FAM110A: variants seen among roughly 807,000 people sequenced by gnomAD.
FAM110A encodes protein FAM110A.
Under a neutral mutation model 4.0 loss-of-function variants are expected in FAM110A, and 1 was observed. The ratio of observed to expected loss-of-function variants is 0.25; its 90% CI spans 0.09 to 1.20. The LOEUF is 1.20. Ranked by LOEUF, FAM110A falls within the 50% of genes most tolerant of loss-of-function variation. FAM110A has a pLI of 0.50. For missense variants in FAM110A, 436 were observed against 429.2 expected (o/e 1.02, Z -0.14); for synonymous variants, 217 against 196.8 (o/e 1.10, Z -0.86).
chr20:839,473 G>T (rs546609567), intron 1 of FAM110A: 12 of 843,666 alleles, frequency 1.4e-5, no homozygotes, highest in Admixed American at 1.4e-4. Flanking sequence ...CCACGTCCAC[G>T]ACCACATCTG....
chr20:840,913 A>G lies in FAM110A; in HGVS notation c.-97-3795A>G, dbSNP rs929944564. 5.3e-5 allele frequency among the ~76,000 whole-genome samples: 8 copies of G among 152,210 alleles called. No individual in the cohort carries two copies. The highest frequency in any genetic ancestry group is 1.9e-4 in the African/African-American group (8 of 41,448). ...AGATTAAAATGGGTTACCCGATACC[A>G]AGAAAAACACTTTCCCGTGCCTGGC... On this transcript the variant is annotated intron_variant, in intron 1 of 1. Coordinates refer to ENST00000381941, the MANE Select transcript of FAM110A (RefSeq NM_001042353.3). The surrounding 1 kb of genome is among the most constrained non-coding windows in gnomAD (Gnocchi z 4.4).
At chr20:844,639 A>G in intron 1 of FAM110A, 69 bp from the exon 2 acceptor site, 2 of 1,153,130 alleles carry the variant, frequency 1.7e-6, no homozygotes, top group South Asian at 2.4e-5. Flanking sequence ...TTATCCTCTC[A>G]GCCGCGGCTG....
At position 844,688 on chromosome 20, in the gene FAM110A, T is replaced by TTC. The variant is rs1600016665; in HGVS notation, c.-97-13_-97-12dup. ...GAGCGCGCTCGGCTTTTTTTTTTTT[T>TTC]TCTCTCTCCTTCCCTGCAGCAGTGG... On this transcript the variant is annotated intron_variant, in intron 1 of 1. Coordinates refer to ENST00000381941, the MANE Select transcript of FAM110A (RefSeq NM_001042353.3). 2 of 1,291,816 alleles carry TTC rather than the reference T, an allele frequency of 1.5e-6. No individual in the cohort carries two copies. The highest frequency in any genetic ancestry group is 2.5e-5 in the South Asian group (1 of 40,496). The allele number at this position is 1,291,816 out of a possible 1,614,324, so 80.0% of individuals were successfully genotyped here.
At chr20:844,296 G>A (rs1255896505) in intron 1 of FAM110A, among the ~76,000 whole-genome samples, 3 of 152,234 alleles carry the variant, frequency 2.0e-5, no homozygotes, top group South Asian at 2.1e-4. Flanking sequence ...CAAGTTGTTT[G>A]CCTCTCTGGG....
intron 1 of FAM110A, among the ~76,000 whole-genome samples, chr20:838,324 T>A (rs533252605): frequency 2.6e-5 from 4 of 152,242 alleles, no homozygotes; most frequent in African/African-American, 9.6e-5. Context: ...CTTACTGATA[T>A]AAGAAAAAGC....
At chr20:839,983 C>T in intron 1 of FAM110A, 1 of 1,331,298 alleles carries the variant, frequency 7.5e-7, no homozygotes. Flanking sequence ...AGCATCTTGG[C>T]AGCTGTAGGG....
rs1451501500 is a variant in FAM110A at position 840,427 on chromosome 20, T to G, written c.-97-4281T>G. The stretch of plus-strand genomic sequence containing the variant: ...AAATGGCCTATCAAATGTTCCTACC[T>G]GCAGTGAGTTATAGGACTTGGGGTG... On this transcript the variant is annotated intron_variant, in intron 1 of 1. Coordinates refer to ENST00000381941, the MANE Select transcript of FAM110A (RefSeq NM_001042353.3). This position sits in a 1 kb window ranked among gnomAD's most constrained non-coding sequence, Gnocchi z 4.4. 6.6e-6 allele frequency among the ~76,000 whole-genome samples: 1 copy of G among 152,206 alleles called. No individual in the cohort carries two copies. The highest frequency in any genetic ancestry group is 1.5e-5 in the Non-Finnish European group (1 of 68,030).
chr20:836,209 T>G (rs1159364835), intron 1 of FAM110A: 1 of 134,174 alleles, frequency 7.5e-6, no homozygotes, highest in African/African-American at 2.9e-5. Context: ...AGGTGGAGTT[T>G]GAACCCAGAG....
rs916946134 is a variant in FAM110A, at chr20:844,773, G to A, written c.-32G>A. Reference sequence around the variant, plus strand: ...CTGGCTCCTCATCTCTCCGGTCTCCGCAGACTAAAGCCCTCGGGATATGCA... The same window carrying A: ...CTGGCTCCTCATCTCTCCGGTCTCCACAGACTAAAGCCCTCGGGATATGCA... On this transcript the variant is annotated 5_prime_UTR_variant, in exon 2 of 2. Transcript: ENST00000381941. The A allele has an allele frequency of 2.8e-6, 4 of 1,409,362 alleles. No homozygotes were observed. The highest frequency in any genetic ancestry group is 3.7e-6 in the Non-Finnish European group (4 of 1,086,746). 87.3% of individuals were successfully genotyped at this position (1,409,362 alleles called of 1,614,324 possible).
Position 845,114 on chromosome 20 carries a change from C to T in FAM110A, c.310C>T (p.Leu104=), listed in dbSNP as rs1463293314. 6.3e-7 allele frequency: 1 copy of T among 1,591,822 alleles called. No homozygotes were observed. The highest frequency in any genetic ancestry group is 1.3e-5 in the African/African-American group (1 of 74,552). Residue 104 remains leucine (L), a synonymous_variant, in exon 2 of 2, where the codon CTG becomes TTG. Coordinates refer to ENST00000381941, the MANE Select transcript of FAM110A (RefSeq NM_001042353.3). ...CCCCTGCCGACGGCCCCAGCTGGAC[C>T]TGGACATCCTCAGCAGCCTCATCGA... ...PGPCRRPQLD[L]DILSSLIDLC... is the part of the protein sequence containing the mutation.
chr20:844,947 CCGA>C lies in FAM110A; in HGVS notation c.145_147del (p.Asp49del). The stretch of plus-strand genomic sequence containing the variant: ...CCGAGCGCTGTGGAGCGCCTGGAGG[CCGA>C]CAAGGCCAAGTACGTCAAGAGCCTG... On this transcript the variant is annotated inframe_deletion, in exon 2 of 2. Transcript: ENST00000381941. 6.3e-7 allele frequency: 1 copy of C among 1,589,626 alleles called. No homozygotes were observed. Among genetic ancestry groups the C allele is most frequent in the Non-Finnish European group, 8.6e-7 (1 of 1,168,894 alleles).
chr20:842,532 G>T (rs952287764), intron 1 of FAM110A, among the ~76,000 whole-genome samples: 3 of 152,236 alleles, frequency 2.0e-5, no homozygotes, highest in African/African-American at 7.2e-5. Context: ...GGTCGGCCCT[G>T]GTGGAGCGAG....
rs2122675025 is a variant in FAM110A at position 840,896 on chromosome 20, A to AT, written c.-97-3811dup. ...GATAGTGATTGTTGGGAAGATTAAA[A>AT]TGGGTTACCCGATACCAAGAAAAAC... On this transcript the variant is annotated intron_variant, in intron 1 of 1. Coordinates refer to ENST00000381941, the MANE Select transcript of FAM110A (RefSeq NM_001042353.3). The surrounding 1 kb of genome is among the most constrained non-coding windows in gnomAD (Gnocchi z 4.4). Among the ~76,000 whole-genome samples the AT allele has an allele frequency of 6.6e-6, 1 of 152,334 alleles. No individual in the cohort carries two copies. Among genetic ancestry groups the AT allele is most frequent in the South Asian group, 2.1e-4 (1 of 4,828 alleles).
chr20:841,926 G>A (rs1169503516), intron 1 of FAM110A, among the ~76,000 whole-genome samples: 1 of 152,226 alleles, frequency 6.6e-6, no homozygotes, highest in Non-Finnish European at 1.5e-5. Context: ...GTGTGGGCTG[G>A]GACAGACCCT....
At chr20:837,042 A>ATTTT (rs1979608979) in intron 1 of FAM110A, among the ~76,000 whole-genome samples, 1 of 107,890 alleles carries the variant, frequency 9.3e-6, no homozygotes, top group Admixed American at 9.4e-5. Flanking sequence ...GTGACTCTGC[A>ATTTT]TTGTTTTTTT....
intron 1 of FAM110A, among the ~76,000 whole-genome samples, chr20:841,611 C>T (rs1979921242): frequency 6.6e-6 from 1 of 152,196 alleles, no homozygotes; most frequent in African/African-American, 2.4e-5. Flanking sequence ...CCAGCCCTGC[C>T]CCGCGGCCTC....
chr20:840,973 C>G lies in FAM110A; in HGVS notation c.-97-3735C>G, dbSNP rs1039558966. Among the ~76,000 whole-genome samples, 3 of 152,248 alleles carry G rather than the reference C, an allele frequency of 2.0e-5. No individual in the cohort carries two copies. The highest frequency in any genetic ancestry group is 4.8e-5 in the African/African-American group (2 of 41,464). On this transcript the variant is annotated intron_variant, in intron 1 of 1. Coordinates refer to ENST00000381941, the MANE Select transcript of FAM110A (RefSeq NM_001042353.3). This position sits in a 1 kb window ranked among gnomAD's most constrained non-coding sequence, Gnocchi z 4.4. ...ATCACCTGGCGGTCGTTCTGAGTGT[C>G]AGGGAGCGGGGCTCAGTTTGTCCAT...
chr20:844,608 C>A (rs1263502107), intron 1 of FAM110A, 100 bp from the exon 2 acceptor site: 3 of 822,720 alleles, frequency 3.6e-6, no homozygotes, highest in South Asian at 3.5e-5. Flanking sequence ...GTGGTCTCTA[C>A]CTTATAATAG....
intron 1 of FAM110A, among the ~76,000 whole-genome samples, chr20:843,037 A>T (rs1434744127): frequency 6.6e-6 from 1 of 152,080 alleles, no homozygotes; most frequent in Non-Finnish European, 1.5e-5. Context: ...TTTTAGGGGG[A>T]TAGAGACAAC....
Sources: gnomAD v4.1 joint callset for allele counts (sites outside exome capture counted in the v4.1 genomes callset) on GRCh38, gnomAD v4.1.1 for gene constraint, Gnocchi (gnomAD v3.1) non-coding constraint, MANE v1.5 for transcripts, NCBI Gene and HGNC (gene_info 2026-07-23, HGNC 2026-07-21) for gene names.